Variants in IMMP2L observed in about 807,000 individuals in gnomAD.
IMMP2L encodes mitochondrial inner membrane protease subunit 2.
In IMMP2L, 18 loss-of-function variants were observed where a neutral mutation model predicts 19.3. The observed-to-expected ratio is 0.93, with a 90% CI of 0.64 to 1.38. The LOEUF is 1.38. IMMP2L is among the 40% of genes most tolerant of loss of function. The pLI, the probability that IMMP2L is intolerant of heterozygous loss-of-function variation, is 0.00. For missense variants in IMMP2L, 233 were observed against 218.2 expected (o/e 1.07, Z -0.43); for synonymous variants, 76 against 73.0 (o/e 1.04, Z -0.21).
intron 3 of IMMP2L, among the ~76,000 whole-genome samples, chr7:111,235,414 T>C (rs1814182100): frequency 6.6e-6 from 1 of 151,544 alleles, no homozygotes; most frequent in Non-Finnish European, 1.5e-5. Flanking sequence ...GAGGTCGCGG[T>C]GAGCTGAGAT....
intron 3 of IMMP2L, among the ~76,000 whole-genome samples, chr7:111,160,781 TATAAG>T (rs1334271252): frequency 1.7e-4 from 26 of 150,358 alleles, no homozygotes; most frequent in South Asian, 8.3e-4. Flanking sequence ...AAATATAAAA[TATAAG>T]ATAAGATTAA....
intron 3 of IMMP2L, among the ~76,000 whole-genome samples, chr7:111,041,581 T>C (rs1488792342): frequency 6.6e-6 from 1 of 151,564 alleles, no homozygotes. Context: ...ATCTGTTCAC[T>C]CTCAGTCTAC....
chr7:111,012,994 T>C (rs1825126595), intron 3 of IMMP2L, among the ~76,000 whole-genome samples: 1 of 152,270 alleles, frequency 6.6e-6, no homozygotes, highest in Admixed American at 6.5e-5. Context: ...ACCTGACGTA[T>C]TATACATTGC....
chr7:110,865,275 ATTT>A (rs1243804898), intron 5 of IMMP2L, among the ~76,000 whole-genome samples: 41 of 152,056 alleles, frequency 2.7e-4, no homozygotes, highest in Non-Finnish European at 4.9e-4. Flanking sequence ...CAAACACTAA[ATTT>A]TAAACATCCT....
At chr7:111,463,051 C>G (rs1212392228) in intron 3 of IMMP2L, among the ~76,000 whole-genome samples, 1 of 152,096 alleles carries the variant, frequency 6.6e-6, no homozygotes, top group African/African-American at 2.4e-5. Context: ...GCCAGGAAGG[C>G]TATGTCCCTC....
rs538806377 is a variant in IMMP2L, at chr7:111,432,819, A to T, written c.239+54419T>A. Among the ~76,000 whole-genome samples the T allele has an allele frequency of 3.0e-4, 46 of 151,604 alleles. 2 individuals carry two copies. Among genetic ancestry groups the T allele is most frequent in the African/African-American group, 1.1e-3 (46 of 41,082 alleles). On this transcript the variant is annotated intron_variant, in intron 3 of 5. Coordinates refer to ENST00000405709, the MANE Select transcript of IMMP2L (RefSeq NM_032549.4). ...GAACCCTAAAGATTCCACCAAAAAA[A>T]CCTTAGATTTGATAAATGAATTCAG...
intron 3 of IMMP2L, among the ~76,000 whole-genome samples, chr7:111,239,704 CT>C (rs1021859749): frequency 6.6e-6 from 1 of 151,886 alleles, no homozygotes; most frequent in African/African-American, 2.4e-5. Flanking sequence ...CTGTGTTTTA[CT>C]GCCAACTCTG....
chr7:110,688,599 A>T (rs1219995686), intron 5 of IMMP2L, among the ~76,000 whole-genome samples: 1 of 152,152 alleles, frequency 6.6e-6, no homozygotes, highest in African/African-American at 2.4e-5. Context: ...GTTAAAAAAA[A>T]ACTAGGACAA....
At chr7:111,474,717 C>A (rs2132138693) in intron 3 of IMMP2L, among the ~76,000 whole-genome samples, 1 of 152,148 alleles carries the variant, frequency 6.6e-6, no homozygotes, top group Admixed American at 6.5e-5. Flanking sequence ...AAATTTGGAT[C>A]CATTCTGTTA....
intron 3 of IMMP2L, among the ~76,000 whole-genome samples, chr7:111,316,845 C>CTTTTTTTTTTTTTTTTTTT (rs869155077): frequency 1.3e-5 from 1 of 75,904 alleles, no homozygotes; most frequent in Non-Finnish European, 2.4e-5. Flanking sequence ...TTTTTTTTTT[C>CTTTTTTTTTTTTTTTTTTT]TTTTTTTTTT....
At chr7:111,121,381 T>G (rs977343889) in intron 3 of IMMP2L, among the ~76,000 whole-genome samples, 4 of 152,216 alleles carry the variant, frequency 2.6e-5, no homozygotes, top group African/African-American at 7.2e-5. Context: ...TTTGTCAATT[T>G]TGGCTTTTGT....
chr7:111,256,426 T>C (rs1245434134), intron 3 of IMMP2L, among the ~76,000 whole-genome samples: 1 of 152,098 alleles, frequency 6.6e-6, no homozygotes, highest in Non-Finnish European at 1.5e-5. Context: ...CTGTGTAAGA[T>C]AATACATGTC....
At chr7:111,523,653 T>C (rs6950412) in intron 1 of IMMP2L, among the ~76,000 whole-genome samples, 12,885 of 152,168 alleles carry the variant, frequency 0.085, 697 homozygotes, top group African/African-American at 0.12. Flanking sequence ...TTATACCTAA[T>C]CAAAATAATG....
At chr7:111,543,377 G>A (rs1848648298) in intron 1 of IMMP2L, among the ~76,000 whole-genome samples, 1 of 152,082 alleles carries the variant, frequency 6.6e-6, no homozygotes, top group Non-Finnish European at 1.5e-5. Flanking sequence ...GGGACTGCTA[G>A]TATAACAAAC....
At chr7:111,403,230 G>T (rs888648491) in intron 3 of IMMP2L, among the ~76,000 whole-genome samples, 1 of 151,594 alleles carries the variant, frequency 6.6e-6, no homozygotes, top group Non-Finnish European at 1.5e-5. Flanking sequence ...GAGATCTCAT[G>T]GTTTAAAATT....
At chr7:110,999,882 A>G (rs1823474577) in intron 3 of IMMP2L, among the ~76,000 whole-genome samples, 1 of 152,170 alleles carries the variant, frequency 6.6e-6, no homozygotes. Flanking sequence ...GGAGTACTAA[A>G]GCATGGTGGA....
intron 3 of IMMP2L, among the ~76,000 whole-genome samples, chr7:111,322,187 C>T (rs1275878316): frequency 1.3e-5 from 2 of 151,980 alleles, no homozygotes. Flanking sequence ...AACATAGCCA[C>T]TATAAGACTT....
intron 3 of IMMP2L, among the ~76,000 whole-genome samples, chr7:111,326,424 T>C (rs185847428): frequency 2.8e-4 from 43 of 151,984 alleles, no homozygotes; most frequent in Non-Finnish European, 1.9e-4. Context: ...GCATGCATTC[T>C]CCCTCCATAA....
At chr7:110,969,380 T>G (rs912299881) in intron 3 of IMMP2L, among the ~76,000 whole-genome samples, 1 of 152,198 alleles carries the variant, frequency 6.6e-6, no homozygotes, top group East Asian at 1.9e-4. Flanking sequence ...AAATAAACTA[T>G]AGACTTTAGT....
Sources: gnomAD v4.1 joint callset for allele counts (sites outside exome capture counted in the v4.1 genomes callset) on GRCh38, gnomAD v4.1.1 for gene constraint, MANE v1.5 for transcripts, NCBI Gene and HGNC (gene_info 2026-07-23, HGNC 2026-07-21) for gene names.